FBXO33: variants seen among roughly 807,000 people sequenced by gnomAD.
FBXO33 encodes the protein F-box only protein 33.
In FBXO33, 22 loss-of-function variants were observed where a neutral mutation model predicts 46.3. That is an observed-to-expected ratio of 0.48 (90% confidence interval 0.34 to 0.68). The LOEUF (loss-of-function observed/expected upper bound fraction) is 0.68. FBXO33 is among the 30% of genes least tolerant of loss of function. The pLI, the probability that FBXO33 is intolerant of heterozygous loss-of-function variation, is 0.01. For synonymous variants in FBXO33, 337 were observed against 291.3 expected, an observed-to-expected ratio of 1.16 and a Z score of -1.60; for missense variants, 692 against 708.8, an observed-to-expected ratio of 0.98 and a Z score of 0.27.
Position 39,431,876 on chromosome 14 carries a change from G to A in FBXO33, c.287C>T (p.Ser96Leu), listed in dbSNP as rs778105323. 6 of 1,575,390 alleles carry A rather than the reference G, an allele frequency of 3.8e-6. No homozygotes were observed. In the African/African-American group the frequency reaches 4.0e-5, roughly 11 times the overall value. The change falls in exon 1 of 4, where the codon TCG becomes TTG. Residue 96 changes from serine (S) to leucine (L), a missense_variant. By Grantham distance (145) the Ser-to-Leu change is moderately radical (BLOSUM62 -2). Around this residue, in one of 3 missense-constraint regions of FBXO33, gnomAD observed 412 missense variants for 370.8 expected, o/e 1.11. Transcript: ENST00000298097. Reference protein sequence around the residue: ...PDRLRASASCSHWRECLFYPA... With the variant: ...PDRLRASASCLHWRECLFYPA... ...ATAGAAGAGGCACTCACGCCAGTGC[G>A]AGCAGGAGGCCGAGGCCCGCAGCCG... is the stretch of plus-strand genomic sequence containing the variant.
intron 3 of FBXO33, among the ~76,000 whole-genome samples, chr14:39,400,106 TTGGG>T (rs2075361937): frequency 6.6e-6 from 1 of 152,340 alleles, no homozygotes; most frequent in African/African-American, 2.4e-5. Flanking sequence ...TTTTATAGCT[TTGGG>T]TAAAGATGTA....
chr14:39,406,803 G>A (rs2075400981), intron 1 of FBXO33, among the ~76,000 whole-genome samples: 1 of 152,136 alleles, frequency 6.6e-6, no homozygotes, highest in Admixed American at 6.5e-5. Flanking sequence ...TCCACACAGT[G>A]GTAAGGTAAC....
chr14:39,427,086 G>A (rs891651941), intron 1 of FBXO33, among the ~76,000 whole-genome samples: 5 of 152,214 alleles, frequency 3.3e-5, no homozygotes, highest in Non-Finnish European at 7.3e-5. Context: ...TCCCAAGGCT[G>A]CCTCAGAACT....
chr14:39,409,387 C>T (rs1439704760), intron 1 of FBXO33, among the ~76,000 whole-genome samples: 1 of 152,160 alleles, frequency 6.6e-6, no homozygotes, highest in Non-Finnish European at 1.5e-5. Context: ...ATCAGTTAAT[C>T]ATAAATGAGT....
chr14:39,404,320 A>C (rs1157801092), intron 1 of FBXO33, among the ~76,000 whole-genome samples: 1 of 151,996 alleles, frequency 6.6e-6, no homozygotes, highest in African/African-American at 2.4e-5. Context: ...AATTGATTTA[A>C]ATGGATCTTT....
chr14:39,422,703 T>C (rs1189023348), intron 1 of FBXO33, among the ~76,000 whole-genome samples: 2 of 152,214 alleles, frequency 1.3e-5, no homozygotes, highest in Non-Finnish European at 2.9e-5. Flanking sequence ...CATAAGACAA[T>C]ATCTTTTTGA....
intron 1 of FBXO33, among the ~76,000 whole-genome samples, chr14:39,424,818 G>A (rs2075503080): frequency 6.6e-6 from 1 of 152,190 alleles, no homozygotes; most frequent in African/African-American, 2.4e-5. Context: ...GCTTTGGGAG[G>A]CCAAGGCAGG....
At chr14:39,403,999 A>C (rs1595982152) in intron 1 of FBXO33, among the ~76,000 whole-genome samples, 1 of 152,100 alleles carries the variant, frequency 6.6e-6, no homozygotes, top group East Asian at 1.9e-4. Flanking sequence ...TTGGACTCTC[A>C]AAGTGCTGAG....
At chr14:39,409,688 C>G (rs571448119) in intron 1 of FBXO33, among the ~76,000 whole-genome samples, 2 of 152,298 alleles carry the variant, frequency 1.3e-5, no homozygotes, top group East Asian at 3.9e-4. Context: ...GTTAACAATA[C>G]TATTTCTTCC....
In FBXO33 at chr14:39,401,246, G is replaced by A; in HGVS notation, c.1326C>T (p.Asp442=). Residue 442 remains aspartate, a synonymous_variant, in exon 3 of 4, where the codon GAC becomes GAT. Coordinates refer to ENST00000298097, the MANE Select transcript of FBXO33 (RefSeq NM_203301.4). ...IDTSGFPDLS[D]NRNEDPLVLL... is the part of the protein sequence containing the mutation. ...AAACCAACGGATCTTCATTTCGGTT[G>A]TCACTAAGATCTGGAAAACCAGATG... The A allele has an allele frequency of 6.2e-7, 1 of 1,613,550 alleles. No homozygotes were observed. Among genetic ancestry groups the A allele is most frequent in the South Asian group, 1.1e-5 (1 of 90,898 alleles).
At chr14:39,407,103 A>AT (rs1341080565) in intron 1 of FBXO33, among the ~76,000 whole-genome samples, 1 of 152,222 alleles carries the variant, frequency 6.6e-6, no homozygotes, top group Non-Finnish European at 1.5e-5. Flanking sequence ...ATATATAAAA[A>AT]TCAATTGTAT....
intron 1 of FBXO33, among the ~76,000 whole-genome samples, chr14:39,404,840 C>T (rs1335710701): frequency 6.6e-6 from 1 of 151,890 alleles, no homozygotes; most frequent in East Asian, 1.9e-4. Context: ...TTGTAAGCTG[C>T]TCAACAATCA....
chr14:39,425,671 C>T (rs927718846), intron 1 of FBXO33, among the ~76,000 whole-genome samples: 3 of 152,154 alleles, frequency 2.0e-5, no homozygotes, highest in South Asian at 2.1e-4. Flanking sequence ...TGCTAATGAA[C>T]GGTCATAGCC....
intron 1 of FBXO33, among the ~76,000 whole-genome samples, chr14:39,407,080 G>GTT (rs1383996437): frequency 6.6e-6 from 1 of 152,096 alleles, no homozygotes; most frequent in Non-Finnish European, 1.5e-5. Context: ...TAAGGTCACA[G>GTT]GATACAAGGT....
At chr14:39,403,003 T>C (rs2075375985) in intron 1 of FBXO33, among the ~76,000 whole-genome samples, 1 of 152,318 alleles carries the variant, frequency 6.6e-6, no homozygotes, top group Non-Finnish European at 1.5e-5. Flanking sequence ...GAAAAGTCTC[T>C]TAATGTGCGT....
chr14:39,403,648 A>T (rs1030715986), intron 1 of FBXO33, among the ~76,000 whole-genome samples: 16 of 152,228 alleles, frequency 1.1e-4, no homozygotes, highest in African/African-American at 3.9e-4. Flanking sequence ...ATTGTAAATA[A>T]AATAGGAGAA....
At chr14:39,431,367 G>C (rs1168023591) in intron 1 of FBXO33, among the ~76,000 whole-genome samples, 197 bp downstream of exon 1, 2 of 152,290 alleles carry the variant, frequency 1.3e-5, no homozygotes, top group East Asian at 3.9e-4. Context: ...GTCCACCACT[G>C]TTTATAAAGT....
intron 1 of FBXO33, among the ~76,000 whole-genome samples, chr14:39,428,477 CAGGTGTG>C (rs1416302488): frequency 1.3e-5 from 2 of 152,152 alleles, no homozygotes; most frequent in African/African-American, 4.8e-5. Context: ...GCTGTCATTA[CAGGTGTG>C]AGCCACCACC....
At chr14:39,425,504 C>T (rs1029714777) in intron 1 of FBXO33, among the ~76,000 whole-genome samples, 2 of 151,950 alleles carry the variant, frequency 1.3e-5, no homozygotes, top group African/African-American at 4.8e-5. Context: ...TGACATATAA[C>T]TTTTTTCCTT....
Sources: allele counts gnomAD v4.1 joint callset (sites outside exome capture counted in the v4.1 genomes callset), GRCh38; gene constraint gnomAD v4.1.1; regional missense constraint gnomAD v4.1.1; transcripts MANE v1.5; gene names NCBI Gene and HGNC (gene_info 2026-07-23, HGNC 2026-07-21).